The following GRIN3B variants were observed in gnomAD, a reference collection of about 807,000 sequenced individuals.
GRIN3B encodes glutamate receptor ionotropic, NMDA 3B.
Under a neutral mutation model 66.0 loss-of-function variants are expected in GRIN3B, and 77 were observed. The observed-to-expected ratio is 1.17, with a 90% CI of 0.97 to 1.41. The LOEUF (loss-of-function observed/expected upper bound fraction) is 1.41. Among genes scored for constraint, GRIN3B ranks in the 40% most tolerant of loss-of-function variants. GRIN3B has a pLI of 0.00. For synonymous variants in GRIN3B, 823 were observed against 749.7 expected (o/e 1.10, Z -1.60); for missense variants, 1,787 against 1,564.5 (o/e 1.14, Z -2.40).
chr19:1,008,673 G>A lies in GRIN3B; in HGVS notation c.2522G>A (p.Gly841Asp). The part of the protein sequence containing the change: ...FAGLFVLLCL[G>D]LGSALLSSLG... ...GGCCTCTTCGTGTTGCTGTGCCTGG[G>A]CCTGGGCAGCGCTCTGCTCAGCTCG... The change falls in exon 7 of 9, where the codon GGC (glycine) becomes GAC (aspartate). Residue 841 changes from glycine to aspartate, a missense_variant. By Grantham distance (94) the Gly-to-Asp change is moderately conservative. Transcript: ENST00000234389. 1 of 1,605,352 alleles carries A rather than the reference G, an allele frequency of 6.2e-7. No homozygotes were observed. Among genetic ancestry groups the A allele is most frequent in the Non-Finnish European group, 8.5e-7 (1 of 1,179,810 alleles).
In GRIN3B at chr19:1,008,526, C is replaced by T. The variant is rs2038788463; in HGVS notation, c.2467-92C>T. 8 of 1,450,196 alleles carry T rather than the reference C, an allele frequency of 5.5e-6. No individual in the cohort carries two copies. In the East Asian group the frequency reaches 1.6e-4, roughly 29 times the overall value. 89.8% of individuals were successfully genotyped at this position (1,450,196 alleles called of 1,614,324 possible). On this transcript the variant is annotated intron_variant, in intron 6 of 8. Transcript: ENST00000234389. ...CCTGGCTCCACTGCCCCAAGCCCCT[C>T]TCTCTGGCCCAACCTGTTCTCCCCT... is the stretch of plus-strand genomic sequence containing the variant.
Position 1,008,687 on chromosome 19 carries a change from C to T in GRIN3B, c.2536C>T (p.Leu846=). 1.2e-6 allele frequency: 2 copies of T among 1,606,716 alleles called. No homozygotes were observed. The highest frequency in any genetic ancestry group is 1.7e-6 in the Non-Finnish European group (2 of 1,179,744). Reference sequence around the variant, plus strand: ...GCTGTGCCTGGGCCTGGGCAGCGCTCTGCTCAGCTCGCTGGGCGAGCACGC... The same window carrying T: ...GCTGTGCCTGGGCCTGGGCAGCGCTTTGCTCAGCTCGCTGGGCGAGCACGC... ...VLLCLGLGSA[L]LSSLGEHAFF... The change falls in exon 7 of 9, where the codon CTG becomes TTG. Residue 846 remains leucine, a synonymous_variant. Coordinates refer to ENST00000234389, the MANE Select transcript of GRIN3B (RefSeq NM_138690.3).
chr19:1,007,925 C>G lies in GRIN3B; in HGVS notation c.2268C>G (p.Asp756Glu). 6.2e-7 allele frequency: 1 copy of G among 1,612,112 alleles called. No homozygotes were observed. Among genetic ancestry groups the G allele is most frequent in the Non-Finnish European group, 8.5e-7 (1 of 1,179,680 alleles). ...TCCTGGACTACGAGGTCTCCATCGA[C>G]GCCGACTGCAAACTGCTGACCGTGG... ...KSLLDYEVSI[D>E]ADCKLLTVGK... Residue 756 changes from aspartate (D) to glutamate (E), a missense_variant, in exon 5 of 9, where the codon GAC becomes GAG. Physicochemically the swap from Asp to Glu is conservative, Grantham distance 45. Transcript: ENST00000234389. This position sits in a 1 kb window ranked among gnomAD's most constrained non-coding sequence, Gnocchi z 4.4.
At position 1,005,452 on chromosome 19, in the gene GRIN3B, A is replaced by G; in HGVS notation, c.1951A>G (p.Ile651Val). 1 of 1,613,462 alleles carries G rather than the reference A, an allele frequency of 6.2e-7. No homozygotes were observed. Among genetic ancestry groups the G allele is most frequent in the Non-Finnish European group, 8.5e-7 (1 of 1,179,978 alleles). The change falls in exon 3 of 9, where the codon ATC (isoleucine) becomes GTC (valine). Residue 651 changes from isoleucine to valine, a missense_variant. Ile to Val is a conservative substitution (Grantham distance 29). Coordinates refer to ENST00000234389, the MANE Select transcript of GRIN3B (RefSeq NM_138690.3). This position sits in a 1 kb window ranked among gnomAD's most constrained non-coding sequence, Gnocchi z 5.2. ...TGRLLMNLWA[I>V]FCLLVLSSYT... Reference sequence around the variant, plus strand: ...CCGCCTGCTCATGAACCTCTGGGCCATCTTCTGCCTGCTGGTGCTGTCCAG... The same window carrying G: ...CCGCCTGCTCATGAACCTCTGGGCCGTCTTCTGCCTGCTGGTGCTGTCCAG...
intron 1 of GRIN3B, among the ~76,000 whole-genome samples, chr19:1,001,824 C>G (rs2038687263): frequency 6.6e-6 from 1 of 152,114 alleles, no homozygotes; most frequent in Non-Finnish European, 1.5e-5. Context: ...CAAACCCAGG[C>G]CTGGGGCGCC....
At chr19:1,003,963 C>A (rs1041199784) in intron 2 of GRIN3B, among the ~76,000 whole-genome samples, 1 of 152,254 alleles carries the variant, frequency 6.6e-6, no homozygotes, top group Non-Finnish European at 1.5e-5. Context: ...GTGACACGCA[C>A]CTGTAGTTCC....
Position 1,000,547 on chromosome 19 carries a change from T to TGCGCCTGGGCGCCCTCCTGCCCCGC in GRIN3B, c.117_141dup (p.Leu48GlyfsTer190). The stretch of plus-strand genomic sequence containing the variant: ...GTCCTGGCGCGCCTCGGGGGCTCCG[T>TGCGCCTGGGCGCCCTCCTGCCCCGC]GCGCCTGGGCGCCCTCCTGCCCCGC... On this transcript the variant is annotated frameshift_variant, in exon 1 of 9. Coordinates refer to ENST00000234389, the MANE Select transcript of GRIN3B (RefSeq NM_138690.3). LOFTEE classifies it high-confidence loss of function. The TGCGCCTGGGCGCCCTCCTGCCCCGC allele has an allele frequency of 7.9e-6, 9 of 1,138,582 alleles. No homozygotes were observed. Among genetic ancestry groups the TGCGCCTGGGCGCCCTCCTGCCCCGC allele is most frequent in the Non-Finnish European group, 9.7e-6 (9 of 928,870 alleles). The allele number at this position is 1,138,582 out of a possible 1,614,324, so 70.5% of individuals were successfully genotyped here.
rs55646937 is a variant in GRIN3B at position 1,003,440 on chromosome 19, G to C, written c.737G>C (p.Arg246Pro). ...CTCGGCTGTGACATCGCCCGTGCCC[G>C]TCGGGTGCTGGAGGCCGTACCTCCC... ...VLLGCDIARA[R>P]RVLEAVPPGP... is the part of the protein sequence containing the mutation. The change falls in exon 2 of 9, where the codon CGT becomes CCT. Residue 246 changes from arginine (R) to proline (P), a missense_variant. Arg to Pro is a moderately radical substitution (Grantham distance 103). Coordinates refer to ENST00000234389, the MANE Select transcript of GRIN3B (RefSeq NM_138690.3). The C allele has an allele frequency of 4.5e-6, 7 of 1,540,532 alleles. No homozygotes were observed. Among genetic ancestry groups the C allele is most frequent in the East Asian group, 2.4e-5 (1 of 41,384 alleles).
In GRIN3B at chr19:1,003,630, G is replaced by A. The variant is rs1460836027; in HGVS notation, c.927G>A (p.Gln309=). The A allele has an allele frequency of 1.4e-6, 2 of 1,424,190 alleles. No homozygotes were observed. Among genetic ancestry groups the A allele is most frequent in the Admixed American group, 2.9e-5 (1 of 34,320 alleles). 88.2% of individuals were successfully genotyped at this position (1,424,190 alleles called of 1,614,324 possible). The change falls in exon 2 of 9, where the codon CAG becomes CAA. Residue 309 remains glutamine (Q), a synonymous_variant. Transcript: ENST00000234389. Reference sequence around the variant, plus strand: ...CCCGGGCGCTGGGCAGTGCGGCCCAGGTGCAGCCGAAGCGAGCCCTCCTCC... The same window carrying A: ...CCCGGGCGCTGGGCAGTGCGGCCCAAGTGCAGCCGAAGCGAGCCCTCCTCC... The part of the protein sequence containing the change: ...LVARALGSAA[Q]VQPKRALLPA...
Position 1,004,502 on chromosome 19 carries a change from C to A in GRIN3B, c.1020-19C>A, listed in dbSNP as rs757098183. 9.7e-6 allele frequency: 15 copies of A among 1,540,000 alleles called. No homozygotes were observed. Among genetic ancestry groups the A allele is most frequent in the African/African-American group, 2.7e-5 (2 of 73,100 alleles). On this transcript the variant is annotated intron_variant, in intron 2 of 8. Transcript: ENST00000234389. ...GGTGTGAACTTCGACACCTGACACC[C>A]CCCCCGCCCTGCCCCTAGGTTCCTG... is the stretch of plus-strand genomic sequence containing the variant.
chr19:1,008,559 G>A, intron 6 of GRIN3B, 59 bp from the exon 7 acceptor site: 1 of 1,554,084 alleles, frequency 6.4e-7, no homozygotes, highest in Non-Finnish European at 8.7e-7. Context: ...CCTAGTTCAA[G>A]GCTCCCCAGG....
chr19:1,003,283 C>T lies in GRIN3B; in HGVS notation c.580C>T (p.Arg194Trp), dbSNP rs199717057. Reference protein sequence around the residue: ...PGGLVALWTSRAGRPPQLVLD... With the variant: ...PGGLVALWTSWAGRPPQLVLD... ...CGGCCTGGTGGCCCTCTGGACAAGC[C>T]GGGCTGGCCGGCCCCCACAGCTGGT... The change falls in exon 2 of 9, where the codon CGG becomes TGG. Residue 194 changes from arginine to tryptophan, a missense_variant. By Grantham distance (101) the Arg-to-Trp change is moderately radical. Transcript: ENST00000234389. 2.2e-4 allele frequency: 350 copies of T among 1,570,022 alleles called. No homozygotes were observed. The African/African-American group carries it at 3.3e-3, about 15-fold the overall frequency.
In GRIN3B at chr19:1,007,825, G is replaced by A. The variant is rs1432881065; in HGVS notation, c.2199-31G>A. ...GGGCGGGGCGTGGGGTGGGCGGGGC[G>A]ATGGCTGACCCCCGCCCCCGGCCCC... On this transcript the variant is annotated intron_variant, in intron 4 of 8. Coordinates refer to ENST00000234389, the MANE Select transcript of GRIN3B (RefSeq NM_138690.3). The surrounding 1 kb of genome is among the most constrained non-coding windows in gnomAD (Gnocchi z 4.4). The A allele has an allele frequency of 1.3e-6, 2 of 1,567,804 alleles. No homozygotes were observed. The highest frequency in any genetic ancestry group is 1.2e-5 in the South Asian group (1 of 86,904).
chr19:1,004,003 C>T (rs544724841), intron 2 of GRIN3B, among the ~76,000 whole-genome samples: 20 of 152,346 alleles, frequency 1.3e-4, no homozygotes, highest in South Asian at 4.1e-4. Context: ...ATGAGAGAAT[C>T]GCTTGAGCCT....
rs747339960 is a variant in GRIN3B at position 1,005,031 on chromosome 19, C to T, written c.1530C>T (p.Asp510=). 1.4e-5 allele frequency: 23 copies of T among 1,611,752 alleles called. No individual in the cohort carries two copies. Among genetic ancestry groups the T allele is most frequent in the South Asian group, 1.2e-4 (11 of 90,996 alleles). Residue 510 remains aspartate (D), a synonymous_variant, in exon 3 of 9, where the codon GAC becomes GAT. Transcript: ENST00000234389. This position sits in a 1 kb window ranked among gnomAD's most constrained non-coding sequence, Gnocchi z 5.2. ...ACGGCAAGTACGGCGCCCTGCGGGA[C>T]GGCCGCTGGACCGGCCTGGTCGGGG... The part of the protein sequence containing the change: ...VGDGKYGALR[D]GRWTGLVGDL...
In GRIN3B at chr19:1,007,760, G is replaced by A; in HGVS notation, c.2185G>A (p.Val729Ile). The A allele has an allele frequency of 2.0e-6, 3 of 1,515,766 alleles. No homozygotes were observed. The highest frequency in any genetic ancestry group is 1.2e-5 in the South Asian group (1 of 80,164). The allele number at this position is 1,515,766 out of a possible 1,614,324, so 93.9% of individuals were successfully genotyped here. Residue 729 changes from valine (V) to isoleucine (I), a missense_variant, in exon 4 of 9, where the codon GTC becomes ATC. Coordinates refer to ENST00000234389, the MANE Select transcript of GRIN3B (RefSeq NM_138690.3). The surrounding 1 kb of genome is among the most constrained non-coding windows in gnomAD (Gnocchi z 4.4). ...CAGCGCGCCCACCACGCCCCGCGGC[G>A]TCGCCATGCTCACGTGAGCCCGGGC... The part of the protein sequence containing the change: ...RHSAPTTPRG[V>I]AMLTSDPPKL...
In GRIN3B at chr19:1,009,241, C is replaced by T. The variant is rs1482763044; in HGVS notation, c.2771C>T (p.Ala924Val). 1.4e-6 allele frequency: 2 copies of T among 1,441,496 alleles called. No homozygotes were observed. The highest frequency in any genetic ancestry group is 1.4e-5 in the South Asian group (1 of 70,294). The allele number at this position is 1,441,496 out of a possible 1,614,324, so 89.3% of individuals were successfully genotyped here. A position where few individuals can be genotyped will look rare whatever the true frequency, so the allele number is the denominator to read the frequency against. ...ACGGCTCCGGAGGGCTGGAAACGGG[C>T]GCGCCGGGCCGTGGACAAGGAGCGC... Reference protein sequence around the residue: ...QPTAPEGWKRARRAVDKERRV... With the variant: ...QPTAPEGWKRVRRAVDKERRV... The change falls in exon 9 of 9, where the codon GCG (alanine) becomes GTG (valine). Residue 924 changes from alanine to valine, a missense_variant. Physicochemically the swap from Ala to Val is moderately conservative, Grantham distance 64. Transcript: ENST00000234389.
At position 1,009,386 on chromosome 19, in the gene GRIN3B, A is replaced by C; in HGVS notation, c.2916A>C (p.Ala972=). The C allele has an allele frequency of 1.4e-6, 2 of 1,389,458 alleles. No individual in the cohort carries two copies. The highest frequency in any genetic ancestry group is 1.9e-6 in the Non-Finnish European group (2 of 1,079,454). The allele number at this position is 1,389,458 out of a possible 1,614,324, so 86.1% of individuals were successfully genotyped here. The part of the protein sequence containing the change: ...WLCSYGRPPA[A]RPTGAPQPGE... ...GCTCCTACGGCCGCCCGCCCGCCGC[A>C]AGGCCCACGGGGGCCCCCCAGCCCG... The change falls in exon 9 of 9, where the codon GCA becomes GCC. Residue 972 remains alanine (A), a synonymous_variant. Transcript: ENST00000234389.
chr19:1,003,706 G>A lies in GRIN3B; in HGVS notation c.1003G>A (p.Gly335Arg). The change falls in exon 2 of 9, where the codon GGG (glycine) becomes AGG (arginine). Residue 335 changes from glycine (G) to arginine (R), a missense_variant. Gly to Arg is a moderately radical substitution (Grantham distance 125). Coordinates refer to ENST00000234389, the MANE Select transcript of GRIN3B (RefSeq NM_138690.3). ...DLQPAGPESP[G>R]RFLARFLANT... ...GCAGCCGGCCGGGCCCGAGTCCCCG[G>A]GGCGCTTCTTGGCACGGTGAGTGGG... 3 of 1,403,438 alleles carry A rather than the reference G, an allele frequency of 2.1e-6. No individual in the cohort carries two copies. Among genetic ancestry groups the A allele is most frequent in the Non-Finnish European group, 2.8e-6 (3 of 1,085,610 alleles). 86.9% of individuals were successfully genotyped at this position (1,403,438 alleles called of 1,614,324 possible).
Sources: gnomAD v4.1 joint callset for allele counts (sites outside exome capture counted in the v4.1 genomes callset) on GRCh38, gnomAD v4.1.1 for gene constraint, Gnocchi (gnomAD v3.1) non-coding constraint, MANE v1.5 for transcripts, NCBI Gene and HGNC (gene_info 2026-07-23, HGNC 2026-07-21) for gene names.